Variants in FHIT observed in about 807,000 individuals in gnomAD.
FHIT encodes the protein bis(5'-adenosyl)-triphosphatase.
Under a neutral mutation model 17.9 loss-of-function variants are expected in FHIT, and 19 were observed. The observed-to-expected ratio is 1.06, with a 90% CI of 0.74 to 1.56. The LOEUF is 1.56. FHIT is among the 40% of genes most tolerant of loss of function. FHIT has a pLI of 0.00. For synonymous variants in FHIT, 81 were observed against 69.7 expected (o/e 1.16, Z -0.81); for missense variants, 248 against 189.2 (o/e 1.31, Z -1.82).
intron 5 of FHIT, among the ~76,000 whole-genome samples, chr3:60,226,479 A>AAAAAAAAAAT (rs1704207492): frequency 2.0e-5 from 3 of 150,764 alleles, no homozygotes; most frequent in African/African-American, 7.3e-5. Context: ...TCTCAAAAAA[A>AAAAAAAAAAT]AAAAAAAAAA....
chr3:59,764,382 C>T (rs1701687873), intron 8 of FHIT, among the ~76,000 whole-genome samples: 1 of 152,198 alleles, frequency 6.6e-6, no homozygotes. Context: ...TATATTCCAA[C>T]GGTACTCACC....
chr3:60,766,141 A>C (rs1026940485), intron 4 of FHIT, among the ~76,000 whole-genome samples: 38 of 152,192 alleles, frequency 2.5e-4, no homozygotes, highest in African/African-American at 8.9e-4. Flanking sequence ...ATATATATAC[A>C]TACATATATC....
intron 3 of FHIT, among the ~76,000 whole-genome samples, chr3:60,828,828 A>G (rs1553741707): frequency 6.6e-6 from 1 of 152,184 alleles, no homozygotes; most frequent in East Asian, 1.9e-4. Flanking sequence ...CAGTGAGCCG[A>G]GATGGTGCCA....
intron 5 of FHIT, among the ~76,000 whole-genome samples, chr3:60,409,387 G>A (rs1159615436): frequency 2.6e-5 from 4 of 152,132 alleles, no homozygotes; most frequent in African/African-American, 4.8e-5. Flanking sequence ...TGTGGAGTTC[G>A]TGTTCTTGTA....
chr3:60,788,451 G>T (rs1700658333), intron 4 of FHIT, among the ~76,000 whole-genome samples: 2 of 152,188 alleles, frequency 1.3e-5, no homozygotes, highest in South Asian at 4.2e-4. Context: ...TACATAGAAT[G>T]TATATGTGTA....
chr3:60,147,291 C>T lies in FHIT; in HGVS notation c.104-133139G>A, dbSNP rs140433217. ...TGCAGAAACCATCTCACCTACAAAC[C>T]GAGTATGAGATAGAGTTCAAATTTT... On this transcript the variant is annotated intron_variant, in intron 5 of 9. Coordinates refer to ENST00000492590, the MANE Select transcript of FHIT (RefSeq NM_002012.4). Among the ~76,000 whole-genome samples, 9 of 152,250 alleles carry T rather than the reference C, an allele frequency of 5.9e-5. No homozygotes were observed. In the East Asian group the frequency reaches 1.5e-3, roughly 26 times the overall value.
chr3:59,945,285 C>G (rs1488921853), intron 7 of FHIT, among the ~76,000 whole-genome samples: 1 of 152,170 alleles, frequency 6.6e-6, no homozygotes, highest in Non-Finnish European at 1.5e-5. Flanking sequence ...TGATGTTGAG[C>G]ATTTTTTCAT....
Position 60,264,476 on chromosome 3 carries a change from G to T in FHIT, c.104-250324C>A, listed in dbSNP as rs372751558. ...ATTAGAAATACTCAACTTAAGAAAA[G>T]ACTTGAAAACCTCTTCTGTACACAC... On this transcript the variant is annotated intron_variant, in intron 5 of 9. Coordinates refer to ENST00000492590, the MANE Select transcript of FHIT (RefSeq NM_002012.4). Among the ~76,000 whole-genome samples, 49 of 151,968 alleles carry T rather than the reference G, an allele frequency of 3.2e-4. 1 individual carries two copies. The East Asian group carries it at 5.0e-3, about 16-fold the overall frequency.
At chr3:60,290,234 C>T (rs918930246) in intron 5 of FHIT, among the ~76,000 whole-genome samples, 5 of 152,128 alleles carry the variant, frequency 3.3e-5, no homozygotes, top group African/African-American at 1.2e-4. Context: ...GGAAAGAGTA[C>T]TGTGCTTGAC....
intron 5 of FHIT, among the ~76,000 whole-genome samples, chr3:60,152,232 C>T (rs1700497557): frequency 6.6e-6 from 1 of 152,126 alleles, no homozygotes; most frequent in Non-Finnish European, 1.5e-5. Context: ...GTAATCTTAC[C>T]TTGAGGCTGT....
In FHIT at chr3:59,782,630, T is replaced by C. The variant is rs554351665; in HGVS notation, c.349-30309A>G. ...CAGTTCAATACCATGATGCATCCGATTCAGTTTCGTCCATTCTATTTCTTA... is the reference window on the plus strand; with the variant it reads ...CAGTTCAATACCATGATGCATCCGACTCAGTTTCGTCCATTCTATTTCTTA... On this transcript the variant is annotated intron_variant, in intron 8 of 9. Transcript: ENST00000492590. Among the ~76,000 whole-genome samples, 16 of 152,278 alleles carry C rather than the reference T, an allele frequency of 1.1e-4. No individual in the cohort carries two copies. In the East Asian group the frequency reaches 3.1e-3, roughly 29 times the overall value.
chr3:60,458,399 G>A (rs1348260258), intron 5 of FHIT, among the ~76,000 whole-genome samples: 2 of 148,652 alleles, frequency 1.3e-5, no homozygotes, highest in African/African-American at 5.0e-5. Context: ...CATTGACACA[G>A]GAAAGGGAAC....
chr3:60,281,583 A>G (rs1489331845), intron 5 of FHIT, among the ~76,000 whole-genome samples: 1 of 151,636 alleles, frequency 6.6e-6, no homozygotes, highest in African/African-American at 2.4e-5. Flanking sequence ...TCAATAGACA[A>G]CAAATAGTGC....
intron 5 of FHIT, among the ~76,000 whole-genome samples, chr3:60,405,741 G>A (rs1251914596): frequency 1.3e-5 from 2 of 152,192 alleles, no homozygotes; most frequent in Non-Finnish European, 2.9e-5. Context: ...TCACAACTAG[G>A]AGGGTGCTAC....
At chr3:60,589,173 A>G (rs2037999717) in intron 4 of FHIT, among the ~76,000 whole-genome samples, 1 of 151,972 alleles carries the variant, frequency 6.6e-6, no homozygotes. Context: ...TAACCTTTTT[A>G]TATAGAGAGA....
chr3:60,924,307 C>T (rs1707458443), intron 3 of FHIT, among the ~76,000 whole-genome samples: 1 of 152,176 alleles, frequency 6.6e-6, no homozygotes, highest in South Asian at 2.1e-4. Context: ...CAGGCACCCC[C>T]CAGTAGGGGC....
chr3:61,129,668 A>T (rs1379994217), intron 2 of FHIT, among the ~76,000 whole-genome samples: 1 of 152,240 alleles, frequency 6.6e-6, no homozygotes, highest in Non-Finnish European at 1.5e-5. Flanking sequence ...GAATTGAATC[A>T]GGAGGTGAAA....
chr3:60,456,965 T>C (rs2032136623), intron 5 of FHIT, among the ~76,000 whole-genome samples: 1 of 152,154 alleles, frequency 6.6e-6, no homozygotes, highest in Admixed American at 6.5e-5. Flanking sequence ...TCCATGCTCA[T>C]GGGTAGGAAG....
At chr3:60,651,441 T>C (rs1166008740) in intron 4 of FHIT, among the ~76,000 whole-genome samples, 7 of 152,142 alleles carry the variant, frequency 4.6e-5, no homozygotes, top group East Asian at 1.9e-4. Context: ...AAATTTGGTA[T>C]ACCCATTGGC....
Sources: allele counts gnomAD v4.1 joint callset (sites outside exome capture counted in the v4.1 genomes callset), GRCh38; gene constraint gnomAD v4.1.1; transcripts MANE v1.5; gene names NCBI Gene and HGNC (gene_info 2026-07-23, HGNC 2026-07-21).